The following TCF20 variants were observed in gnomAD, a reference collection of about 807,000 sequenced individuals.
TCF20 encodes transcription factor 20.
TCF20 carries 3 observed loss-of-function variants against 148.6 expected under a neutral mutation model. The observed-to-expected ratio is 0.02, with a 90% CI of 0.01 to 0.05. TCF20 has a LOEUF of 0.05. Ranked by LOEUF, TCF20 falls within the 10% of genes least tolerant of loss-of-function variation. The probability of loss-of-function intolerance (pLI) is 1.00; values close to 1 mark genes in which losing one functional copy is unlikely to be tolerated. For missense variants in TCF20, 2,350 were observed against 2,429.3 expected (o/e 0.97, Z 0.69); for synonymous variants, 1,049 against 909.5 (o/e 1.15, Z -2.76).
chr22:42,278,294 G>C (rs1459036817), intron 1 of TCF20: 1 of 152,214 alleles, frequency 6.6e-6, no homozygotes. Context: ...CTCTGAGCTG[G>C]GTAGTTACTG....
intron 2 of TCF20, among the ~76,000 whole-genome samples, chr22:42,181,381 G>A (rs896671189): frequency 6.6e-6 from 1 of 151,858 alleles, no homozygotes; most frequent in Non-Finnish European, 1.5e-5. Flanking sequence ...ATGGGGTTTT[G>A]CATATTGGCC....
intron 2 of TCF20, among the ~76,000 whole-genome samples, chr22:42,202,405 T>C (rs1938092118): frequency 6.6e-6 from 1 of 152,176 alleles, no homozygotes; most frequent in African/African-American, 2.4e-5. Flanking sequence ...TTTTCATACT[T>C]TGTATGGTAA....
chr22:42,186,963 A>G (rs1937075445), intron 2 of TCF20, among the ~76,000 whole-genome samples: 1 of 152,228 alleles, frequency 6.6e-6, no homozygotes, highest in Non-Finnish European at 1.5e-5. Context: ...AAACCGCCTC[A>G]CAGGCTTGCC....
intron 1 of TCF20, among the ~76,000 whole-genome samples, chr22:42,243,916 A>G (rs551381732): frequency 1.3e-5 from 2 of 152,278 alleles, no homozygotes; most frequent in African/African-American, 4.8e-5. Flanking sequence ...AAAAATTACA[A>G]GTGTTGGTGA....
intron 1 of TCF20, among the ~76,000 whole-genome samples, chr22:42,328,812 G>T (rs1386493735): frequency 6.6e-6 from 1 of 152,212 alleles, no homozygotes; most frequent in Non-Finnish European, 1.5e-5. Context: ...CAGACGGGGG[G>T]GAAAGCCCCC....
At chr22:42,324,357 G>A (rs530429673) in intron 1 of TCF20, among the ~76,000 whole-genome samples, 89 of 152,034 alleles carry the variant, frequency 5.9e-4, no homozygotes, top group Non-Finnish European at 1.0e-3. Flanking sequence ...GGCCTGATAA[G>A]ACTTGAGAGA....
At chr22:42,262,060 AG>A (rs1435204935) in intron 1 of TCF20, among the ~76,000 whole-genome samples, 4 of 152,150 alleles carry the variant, frequency 2.6e-5, no homozygotes, top group Non-Finnish European at 5.9e-5. Context: ...ATGTGACTGG[AG>A]GGCCGTGAAC....
intron 1 of TCF20, among the ~76,000 whole-genome samples, chr22:42,239,452 G>A (rs1394691485): frequency 6.7e-6 from 1 of 150,086 alleles, no homozygotes; most frequent in East Asian, 2.0e-4. Flanking sequence ...CTCCAGCCTG[G>A]GGAACAAGAG....
At chr22:42,298,353 G>A (rs578235707) in intron 1 of TCF20, among the ~76,000 whole-genome samples, 2 of 152,242 alleles carry the variant, frequency 1.3e-5, no homozygotes, top group Non-Finnish European at 2.9e-5. Context: ...GCCGACTGTT[G>A]TTGGGGCACC....
At chr22:42,176,336 A>T (rs1936448827) in intron 3 of TCF20, among the ~76,000 whole-genome samples, 1 of 151,750 alleles carries the variant, frequency 6.6e-6, no homozygotes, top group African/African-American at 2.4e-5. Context: ...CATATGCTTA[A>T]ACAAAAGTCA....
chr22:42,221,739 GTTTTTTTT>G (rs59283483), intron 1 of TCF20, among the ~76,000 whole-genome samples: 1 of 92,820 alleles, frequency 1.1e-5, no homozygotes, highest in Non-Finnish European at 1.9e-5. Context: ...ATGGCAAAGG[GTTTTTTTT>G]TTTTTTTTTG....
At chr22:42,285,625 TTTTA>T (rs1927015879), upstream of TCF20, among the ~76,000 whole-genome samples, 1 of 152,222 alleles carries the variant, frequency 6.6e-6, no homozygotes, top group South Asian at 2.1e-4. The surrounding 1 kb of genome is among the most constrained non-coding windows in gnomAD (Gnocchi z 4.2). Context: ...TTTATTTTTA[TTTTA>T]TTTTATTATT....
At chr22:42,307,562 C>T (rs1296365456) in intron 1 of TCF20, among the ~76,000 whole-genome samples, 1 of 152,252 alleles carries the variant, frequency 6.6e-6, no homozygotes, top group Non-Finnish European at 1.5e-5. Flanking sequence ...AGGGCATGTA[C>T]ATTCTGAAGC....
At chr22:42,196,765 T>C (rs1937615988) in intron 2 of TCF20, among the ~76,000 whole-genome samples, 2 of 152,012 alleles carry the variant, frequency 1.3e-5, no homozygotes, top group Admixed American at 1.3e-4. Flanking sequence ...GAGAAACACA[T>C]AACAGAGATG....
intron 1 of TCF20, among the ~76,000 whole-genome samples, chr22:42,277,441 T>C (rs769285732): frequency 2.2e-4 from 34 of 152,238 alleles, no homozygotes; most frequent in Non-Finnish European, 4.3e-4. Context: ...ATAGGGACCC[T>C]GAGCCTTGGG....
chr22:42,306,671 C>T (rs1173885609), intron 1 of TCF20, among the ~76,000 whole-genome samples: 1 of 152,154 alleles, frequency 6.6e-6, no homozygotes, highest in East Asian at 1.9e-4. Flanking sequence ...AGCCCCCATG[C>T]CACTGGGATG....
At chr22:42,161,515 A>G (rs1935458657) in intron 5 of TCF20, among the ~76,000 whole-genome samples, 157 bp from the exon 6 acceptor site, 1 of 152,198 alleles carries the variant, frequency 6.6e-6, no homozygotes, top group Non-Finnish European at 1.5e-5. Flanking sequence ...CCCGAGACCA[A>G]TGCCAGGGCC....
chr22:42,194,227 G>A (rs1937482782), intron 2 of TCF20, among the ~76,000 whole-genome samples: 1 of 152,130 alleles, frequency 6.6e-6, no homozygotes, highest in Non-Finnish European at 1.5e-5. Flanking sequence ...AAGATTTTTT[G>A]TTGGCATATT....
chr22:42,273,184 AC>A (rs1416523684), upstream of TCF20, among the ~76,000 whole-genome samples: 2 of 151,580 alleles, frequency 1.3e-5, no homozygotes, highest in Non-Finnish European at 1.5e-5. Context: ...ACATGGTGAA[AC>A]CCTGTCTCTA....
Sources: allele counts gnomAD v4.1 joint callset (sites outside exome capture counted in the v4.1 genomes callset), GRCh38; gene constraint gnomAD v4.1.1; non-coding constraint Gnocchi (gnomAD v3.1); transcripts MANE v1.5; gene names NCBI Gene and HGNC (gene_info 2026-07-23, HGNC 2026-07-21).